SEC14L6: variants seen among roughly 807,000 people sequenced by gnomAD.
SEC14L6 encodes SEC14-like protein 6.
A neutral mutation model predicts 54.1 loss-of-function variants in SEC14L6; 40 were observed. The observed-to-expected ratio is 0.74, with a 90% CI of 0.57 to 0.96. The LOEUF (loss-of-function observed/expected upper bound fraction) is 0.96, where lower values mean the gene tolerates loss of function less well. SEC14L6 is among the 40% of genes least tolerant of loss of function. SEC14L6 has a pLI of 0.00. For missense variants in SEC14L6, 471 were observed against 498.3 expected, an observed-to-expected ratio of 0.95 and a Z score of 0.52; for synonymous variants, 171 against 198.4, an observed-to-expected ratio of 0.86 and a Z score of 1.16.
chr22:30,525,731 A>C lies in SEC14L6; in HGVS notation c.791T>G (p.Val264Gly). Residue 264 changes from valine to glycine, a missense_variant, in exon 10 of 12, where the codon GTG (valine) becomes GGG (glycine). Val to Gly is a moderately radical substitution (Grantham distance 109). Transcript: ENST00000402034. The part of the protein sequence containing the change: ...CLTKINYGGE[V>G]PKSYYLCKQV... ...CTTGCACAGGTAGTAGCTCTTGGGC[A>C]CCTCACCCCCGTAGTTGATCTGTGG... The C allele has an allele frequency of 6.2e-7, 1 of 1,613,718 alleles. No individual in the cohort carries two copies. The highest frequency in any genetic ancestry group is 1.7e-4 in the Middle Eastern group (1 of 6,036).
intron 1 of SEC14L6, among the ~76,000 whole-genome samples, chr22:30,541,455 T>G (rs1016100467): frequency 6.6e-6 from 1 of 152,220 alleles, no homozygotes; most frequent in African/African-American, 2.4e-5. Context: ...GGCCAGGAGT[T>G]CGAGACTAGT....
rs1207378047 is a variant in SEC14L6 at position 30,544,155 on chromosome 22, C to A, written c.54+2474G>T. On this transcript the variant is annotated intron_variant, in intron 1 of 11. Coordinates refer to ENST00000402034, the MANE Select transcript of SEC14L6 (RefSeq NM_001193336.4). ...TCCCACAAGGAGCCGCCATGATGAG[C>A]ACAGCCAGCCCAGTTCCCGGAGGGC... The A allele has an allele frequency of 1.4e-5, 15 of 1,085,670 alleles. No homozygotes were observed. The South Asian group carries it at 2.2e-4, about 16-fold the overall frequency. 67.3% of individuals were successfully genotyped at this position (1,085,670 alleles called of 1,614,324 possible).
In SEC14L6 at chr22:30,538,843, G is replaced by A. The variant is rs1206925745; in HGVS notation, c.114C>T (p.Leu38=). 3.9e-6 allele frequency: 6 copies of A among 1,557,688 alleles called. No individual in the cohort carries two copies. The African/African-American group carries it at 6.8e-5, about 18-fold the overall frequency. ...TATCCTTACCTTGGAGCCAGCGCAG[G>A]AGGAAGTAGTCATCAGGATTGGGCA... is the stretch of plus-strand genomic sequence containing the variant. ...SALPNPDDYF[L]LRWLQARSFD... is the part of the protein sequence containing the mutation. The change falls in exon 2 of 12, where the codon CTC becomes CTT. Residue 38 remains leucine (L), a synonymous_variant. Coordinates refer to ENST00000402034, the MANE Select transcript of SEC14L6 (RefSeq NM_001193336.4).
intron 2 of SEC14L6, among the ~76,000 whole-genome samples, chr22:30,536,125 G>C (rs2085595822): frequency 6.6e-6 from 1 of 152,096 alleles, no homozygotes. Flanking sequence ...GCCTCCAAAA[G>C]TGTTGGGATT....
Position 30,534,006 on chromosome 22 carries a change from A to T in SEC14L6, c.164T>A (p.Met55Lys), listed in dbSNP as rs1451617467. The T allele has an allele frequency of 6.4e-7, 1 of 1,550,800 alleles. No homozygotes were observed. The highest frequency in any genetic ancestry group is 8.7e-7 in the Non-Finnish European group (1 of 1,146,998). The stretch of plus-strand genomic sequence containing the variant: ...AGGTGTCAACCTCACCTTCCTCAGC[A>T]TGTCCTCTGATTTCTGCAGGTCAAA... ...RSFDLQKSED[M>K]LRKHMEFRKQ... The change falls in exon 3 of 12, where the codon ATG (methionine) becomes AAG (lysine). Residue 55 changes from methionine to lysine, a missense_variant. Met to Lys is a moderately conservative substitution (Grantham distance 95). Transcript: ENST00000402034.
chr22:30,542,534 A>C (rs1024866876), intron 1 of SEC14L6: 1 of 1,123,400 alleles, frequency 8.9e-7, no homozygotes, highest in Non-Finnish European at 1.2e-6. Flanking sequence ...CGGCGCTTCT[A>C]GTGCCTTCCA....
chr22:30,541,122 C>A (rs1370832754), intron 1 of SEC14L6, among the ~76,000 whole-genome samples: 2 of 151,976 alleles, frequency 1.3e-5, no homozygotes, highest in African/African-American at 2.4e-5. Context: ...ACTTGTAAGA[C>A]TTTTCCCCTA....
chr22:30,529,403 C>A (rs56173866), intron 6 of SEC14L6, 54 bp from the exon 7 acceptor site: 27,077 of 1,387,886 alleles, frequency 0.02, 407 homozygotes, highest in Middle Eastern at 0.06. Context: ...CCCCTTGCAT[C>A]CCCTCTCGCC....
rs1216027740 is a variant in SEC14L6, at chr22:30,529,288, C to A, written c.580+1G>T. ...TGCATATCCTGGGCTGCTTTACTCACCTCTCACAACAATTAAACTCTTCAA... is the reference window on the plus strand; with the variant it reads ...TGCATATCCTGGGCTGCTTTACTCAACTCTCACAACAATTAAACTCTTCAA... On this transcript the variant is annotated splice_donor_variant, in intron 7 of 11. Transcript: ENST00000402034. LOFTEE classifies it high-confidence loss of function. 6.4e-7 allele frequency: 1 copy of A among 1,550,388 alleles called. No homozygotes were observed. Among genetic ancestry groups the A allele is most frequent in the Admixed American group, 2.0e-5 (1 of 50,976 alleles).
In SEC14L6 at chr22:30,525,365, G is replaced by A. The variant is rs747139994; in HGVS notation, c.1066C>T (p.Leu356Phe). Reference protein sequence around the residue: ...MVPEDGILTCLQAGSYVLRFY... With the variant: ...MVPEDGILTCFQAGSYVLRFY... ...CAACTCTTACAGCTGCCGGCCTGGAGGCAGGTGAGAATCCCATCTTCAGGC... is the reference window on the plus strand; with the variant it reads ...CAACTCTTACAGCTGCCGGCCTGGAAGCAGGTGAGAATCCCATCTTCAGGC... Residue 356 changes from leucine to phenylalanine, a missense_variant, in exon 11 of 12, where the codon CTC becomes TTC. Leu to Phe is a conservative substitution (Grantham distance 22). Transcript: ENST00000402034. The A allele has an allele frequency of 5.0e-6, 8 of 1,614,162 alleles. No individual in the cohort carries two copies. The highest frequency in any genetic ancestry group is 6.8e-6 in the Non-Finnish European group (8 of 1,180,024).
intron 1 of SEC14L6, among the ~76,000 whole-genome samples, chr22:30,546,383 CAAAAAAA>C (rs915640201): frequency 1.0e-4 from 5 of 49,864 alleles, no homozygotes; most frequent in East Asian, 1.2e-3. Flanking sequence ...AACTCCGTCT[CAAAAAAA>C]AAAAAAAAAA....
Position 30,523,783 on chromosome 22 carries a change from T to C in SEC14L6, c.*1214A>G, listed in dbSNP as rs1936680319. ...TAGAGAGTTTAAAATTCTTTCTAGA[T>C]GGGAAACTGTGAGGTTGGATTTCCA... On this transcript the variant is annotated 3_prime_UTR_variant, in exon 12 of 12. Transcript: ENST00000402034. The C allele has an allele frequency of 6.6e-6, 1 of 152,210 alleles. No individual in the cohort carries two copies. Among genetic ancestry groups the C allele is most frequent in the South Asian group, 2.1e-4 (1 of 4,826 alleles). 9.4% of individuals were successfully genotyped at this position (152,210 alleles called of 1,614,324 possible). A position where few individuals can be genotyped will look rare whatever the true frequency, so the allele number is the denominator to read the frequency against.
intron 1 of SEC14L6, chr22:30,542,919 C>T (rs1601904179): frequency 5.0e-6 from 8 of 1,600,928 alleles, no homozygotes; most frequent in African/African-American, 1.3e-5. Context: ...CAGCAGATGC[C>T]GGCACCTACT....
Position 30,524,463 on chromosome 22 carries a change from C to T in SEC14L6, c.*534G>A, listed in dbSNP as rs1003624904. 2 of 152,542 alleles carry T rather than the reference C, an allele frequency of 1.3e-5. No homozygotes were observed. The highest frequency in any genetic ancestry group is 1.9e-4 in the East Asian group (1 of 5,214). 9.4% of individuals were successfully genotyped at this position (152,542 alleles called of 1,614,324 possible). On this transcript the variant is annotated 3_prime_UTR_variant, in exon 12 of 12. Transcript: ENST00000402034. ...TGATTTCGGCTCACTGCAACCTCTG[C>T]CTACCAAGTTCAGGCGACTCTCCTG... is the stretch of plus-strand genomic sequence containing the variant.
At chr22:30,527,714 CAAA>C (rs778118906) in intron 8 of SEC14L6, among the ~76,000 whole-genome samples, 1 of 30,144 alleles carries the variant, frequency 3.3e-5, no homozygotes, top group African/African-American at 1.1e-4. Context: ...GACCTTGTCT[CAAA>C]AAAAAAAAAA....
Position 30,532,546 on chromosome 22 carries a change from C to T in SEC14L6, c.402G>A (p.Glu134=), listed in dbSNP as rs1490970048. 1 of 1,550,130 alleles carries T rather than the reference C, an allele frequency of 6.5e-7. No individual in the cohort carries two copies. The highest frequency in any genetic ancestry group is 8.7e-7 in the Non-Finnish European group (1 of 1,146,748). Residue 134 remains glutamate, a synonymous_variant, in exon 5 of 12, where the codon GAG becomes GAA. Coordinates refer to ENST00000402034, the MANE Select transcript of SEC14L6 (RefSeq NM_001193336.4). ...ACACCTTCTGACTCTGCAGCTCACA[C>T]TCCCGCAGGAGCAGCTCGCAGCTCC... ...SFRSCELLLR[E]CELQSQKLGK...
intron 1 of SEC14L6, among the ~76,000 whole-genome samples, chr22:30,544,985 G>A (rs114860576): frequency 2.0e-5 from 3 of 151,946 alleles, no homozygotes; most frequent in Admixed American, 6.6e-5. Flanking sequence ...CTTTGCCCCG[G>A]GAACCCCATC....
At chr22:30,533,925 G>A (rs1937064214) in intron 3 of SEC14L6, 71 bp downstream of exon 3, 1 of 1,342,408 alleles carries the variant, frequency 7.4e-7, no homozygotes, top group East Asian at 2.5e-5. Flanking sequence ...ATGAATGAAT[G>A]AATAAATTTG....
rs1335610534 is a variant in SEC14L6, at chr22:30,529,396, C to G, written c.520-47G>C. On this transcript the variant is annotated intron_variant, in intron 6 of 11. Coordinates refer to ENST00000402034, the MANE Select transcript of SEC14L6 (RefSeq NM_001193336.4). ...GTGATGGGCGTCTGAACACTGTCCC[C>G]TTGCATCCCCTCTCGCCCCACCCTC... The G allele has an allele frequency of 3.5e-6, 5 of 1,448,294 alleles. No individual in the cohort carries two copies. The East Asian group carries it at 7.4e-5, about 21-fold the overall frequency. The allele number at this position is 1,448,294 out of a possible 1,614,324, so 89.7% of individuals were successfully genotyped here. A position where few individuals can be genotyped will look rare whatever the true frequency, so the allele number is the denominator to read the frequency against.
Sources: allele counts gnomAD v4.1 joint callset (sites outside exome capture counted in the v4.1 genomes callset), GRCh38; gene constraint gnomAD v4.1.1; transcripts MANE v1.5; gene names NCBI Gene and HGNC (gene_info 2026-07-23, HGNC 2026-07-21).